Variants in NELL2 observed in about 807,000 individuals in gnomAD.
The protein encoded by NELL2 is protein kinase C-binding protein NELL2.
In NELL2, 41 loss-of-function variants were observed where a neutral mutation model predicts 109.6. The ratio of observed to expected loss-of-function variants is 0.37; its 90% CI spans 0.29 to 0.49. NELL2 has a LOEUF of 0.49. Among genes scored for constraint, NELL2 ranks in the 20% least tolerant of loss-of-function variants. NELL2 has a pLI of 0.98. For missense variants in NELL2, 900 were observed against 1,008.3 expected (o/e 0.89, Z 1.45); for synonymous variants, 355 against 344.7 (o/e 1.03, Z -0.33).
intron 1 of NELL2, among the ~76,000 whole-genome samples, chr12:44,886,911 G>A (rs1229111637): frequency 1.3e-5 from 2 of 151,732 alleles, no homozygotes; most frequent in African/African-American, 4.9e-5. Flanking sequence ...GACAACATGC[G>A]ATATTAATCT....
At chr12:44,783,685 T>A (rs1942050310) in intron 3 of NELL2, among the ~76,000 whole-genome samples, 1 of 152,024 alleles carries the variant, frequency 6.6e-6, no homozygotes, top group South Asian at 2.1e-4. Flanking sequence ...AATTCATAAA[T>A]TTAAAACTCC....
intron 9 of NELL2, among the ~76,000 whole-genome samples, chr12:44,765,089 G>C (rs1229482729): frequency 6.6e-6 from 1 of 152,154 alleles, no homozygotes; most frequent in East Asian, 1.9e-4. Context: ...ACTGAGCTAA[G>C]TGACGTGCTC....
chr12:44,865,824 A>T (rs1420512429), intron 2 of NELL2, among the ~76,000 whole-genome samples: 1,236 of 52,298 alleles, frequency 0.024, 41 homozygotes, highest in African/African-American at 0.059. Flanking sequence ...AAAAAAAAAA[A>T]TTAAAAAAAA....
At chr12:44,697,791 A>G (rs1949108919) in intron 12 of NELL2, among the ~76,000 whole-genome samples, 1 of 152,206 alleles carries the variant, frequency 6.6e-6, no homozygotes, top group Non-Finnish European at 1.5e-5. Context: ...TGTCTGCCAG[A>G]TTGTATTAGT....
At chr12:44,582,674 G>A (rs1001036568) in intron 15 of NELL2, among the ~76,000 whole-genome samples, 1 of 152,092 alleles carries the variant, frequency 6.6e-6, no homozygotes, top group Non-Finnish European at 1.5e-5. Context: ...TATGACCACA[G>A]GTGTGAGTCA....
rs1033355886 is a variant in NELL2, at chr12:44,771,036, A to C, written c.994+3711T>G. 1.8e-4 allele frequency among the ~76,000 whole-genome samples: 28 copies of C among 152,122 alleles called. 1 individual carries two copies. Among genetic ancestry groups the C allele is most frequent in the Non-Finnish European group, 7.4e-5 (5 of 68,022 alleles). ...TAATTTTTTTTTTAAACCTGGGTTG[A>C]GATTTTATGTACTTTAATCATATCT... On this transcript the variant is annotated intron_variant, in intron 9 of 19. Transcript: ENST00000429094.
intron 12 of NELL2, among the ~76,000 whole-genome samples, chr12:44,669,216 A>G (rs1185568994): frequency 6.6e-6 from 1 of 152,054 alleles, no homozygotes; most frequent in African/African-American, 2.4e-5. Context: ...TACTAAACCA[A>G]CAATACGTAC....
chr12:44,614,539 G>A lies in NELL2; in HGVS notation c.1445-3569C>T, dbSNP rs150951215. On this transcript the variant is annotated intron_variant, in intron 13 of 19. Transcript: ENST00000429094. ...GATGAGGCACAATATAGTAAAGTTCGTCCATGGGAAAAAAAAGTAATAATA... is the reference window on the plus strand; with the variant it reads ...GATGAGGCACAATATAGTAAAGTTCATCCATGGGAAAAAAAAGTAATAATA... 2.4e-4 allele frequency among the ~76,000 whole-genome samples: 36 copies of A among 151,956 alleles called. No individual in the cohort carries two copies. In the East Asian group the frequency reaches 5.8e-3, roughly 24 times the overall value.
At chr12:44,592,246 T>C (rs970139930) in intron 15 of NELL2, among the ~76,000 whole-genome samples, 3 of 152,210 alleles carry the variant, frequency 2.0e-5, no homozygotes, top group Non-Finnish European at 4.4e-5. Flanking sequence ...ATTTAATAAA[T>C]GTAAAGCAAT....
At chr12:44,685,271 A>G (rs1031823149) in intron 12 of NELL2, among the ~76,000 whole-genome samples, 1 of 151,870 alleles carries the variant, frequency 6.6e-6, no homozygotes, top group South Asian at 2.1e-4. Flanking sequence ...TGCTTGGTAG[A>G]TCTTCCTCCA....
At chr12:44,829,554 A>C (rs1943821137) in intron 2 of NELL2, among the ~76,000 whole-genome samples, 12 of 152,172 alleles carry the variant, frequency 7.9e-5, no homozygotes, top group Admixed American at 7.9e-4. Context: ...AGCTACTGAA[A>C]CTTGAACAAA....
At chr12:44,778,986 T>A (rs1941855000) in intron 5 of NELL2, among the ~76,000 whole-genome samples, 1 of 152,196 alleles carries the variant, frequency 6.6e-6, no homozygotes, top group African/African-American at 2.4e-5. Context: ...TAATCATTCA[T>A]CGAGCCACTT....
intron 1 of NELL2, among the ~76,000 whole-genome samples, chr12:44,906,074 G>C (rs1307517513): frequency 6.6e-6 from 1 of 152,024 alleles, no homozygotes; most frequent in Non-Finnish European, 1.5e-5. Context: ...AGGGTGTTTA[G>C]TAATGGTCTC....
At chr12:44,569,018 CCTT>C (rs1943762844) in intron 15 of NELL2, among the ~76,000 whole-genome samples, 1 of 152,012 alleles carries the variant, frequency 6.6e-6, no homozygotes, top group Non-Finnish European at 1.5e-5. Context: ...TTTTTCCTGA[CCTT>C]CTCCCTACTC....
intron 16 of NELL2, among the ~76,000 whole-genome samples, chr12:44,527,170 C>G (rs540079205): frequency 6.6e-6 from 1 of 152,170 alleles, no homozygotes; most frequent in Non-Finnish European, 1.5e-5. Flanking sequence ...TCAATCACAG[C>G]GTTGGGCTTG....
At chr12:44,624,241 T>C (rs1946157552) in intron 13 of NELL2, among the ~76,000 whole-genome samples, 1 of 152,152 alleles carries the variant, frequency 6.6e-6, no homozygotes, top group South Asian at 2.1e-4. Flanking sequence ...TATCTCTATT[T>C]CTTGCCCTTG....
intron 2 of NELL2, among the ~76,000 whole-genome samples, chr12:44,836,007 A>G (rs1241606277): frequency 6.6e-6 from 1 of 152,186 alleles, no homozygotes; most frequent in African/African-American, 2.4e-5. Context: ...GCTAGGGCAT[A>G]AGGTATGTGG....
chr12:44,799,277 A>T (rs2136648918), intron 3 of NELL2, among the ~76,000 whole-genome samples: 1 of 151,972 alleles, frequency 6.6e-6, no homozygotes, highest in Non-Finnish European at 1.5e-5. Flanking sequence ...CTTCTTATTT[A>T]TCACCTATGC....
chr12:44,691,163 A>G (rs767643301), intron 12 of NELL2, among the ~76,000 whole-genome samples: 1 of 152,156 alleles, frequency 6.6e-6, no homozygotes, highest in South Asian at 2.1e-4. Context: ...TGTGCTTTTT[A>G]TGAACTGAAG....
Sources: gnomAD v4.1 joint callset for allele counts (sites outside exome capture counted in the v4.1 genomes callset) on GRCh38, gnomAD v4.1.1 for gene constraint, MANE v1.5 for transcripts, NCBI Gene and HGNC (gene_info 2026-07-23, HGNC 2026-07-21) for gene names.